NHS: variants seen among roughly 807,000 people sequenced by gnomAD.
NHS encodes the protein actin remodeling regulator NHS.
A neutral mutation model predicts 72.5 loss-of-function variants in NHS; 5 were observed. That is an observed-to-expected ratio of 0.07 (90% CI 0.04 to 0.14). The LOEUF is 0.14. Ranked by LOEUF, NHS falls within the 10% of genes least tolerant of loss-of-function variation. NHS has a pLI of 1.00. For synonymous variants in NHS, 464 were observed against 547.7 expected, an observed-to-expected ratio of 0.85 and a Z score of 2.13; for missense variants, 1,072 against 1,355.7, an observed-to-expected ratio of 0.79 and a Z score of 3.29.
chrX:17,434,313 A>C lies in NHS; in HGVS notation c.565+57991A>C, dbSNP rs767059344. Reference sequence around the variant, plus strand: ...AACTCAACTGGAAACTTCCCCTCTCAGTTGGCGTAAGGAGAAACAGAATAT... The same window carrying C: ...AACTCAACTGGAAACTTCCCCTCTCCGTTGGCGTAAGGAGAAACAGAATAT... On this transcript the variant is annotated intron_variant, in intron 1 of 8. Transcript: ENST00000676302. Among the ~76,000 whole-genome samples, 520 of 111,795 alleles carry C rather than the reference A, an allele frequency of 4.7e-3. 3 individuals are homozygous for C. Among genetic ancestry groups the C allele is most frequent in the African/African-American group, 0.016 (493 of 30,706 alleles).
intron 1 of NHS, among the ~76,000 whole-genome samples, chrX:17,626,728 G>A (rs1307402890): frequency 1.8e-5 from 2 of 112,143 alleles, no homozygotes; most frequent in Non-Finnish European, 3.8e-5. Context: ...GAAATTCTAA[G>A]CCGAAAATGC....
At position 17,469,331 on chromosome X, in the gene NHS, C is replaced by T. The variant is rs375385608; in HGVS notation, c.565+93009C>T. ...GTTTGTATTTCTGTTGGGTATATAT[C>T]CAAGGGAGGAAATTCTGGATCATTC... On this transcript the variant is annotated intron_variant, in intron 1 of 8. Coordinates refer to ENST00000676302, the MANE Select transcript of NHS (RefSeq NM_001291867.2). 5.3e-5 allele frequency among the ~76,000 whole-genome samples: 6 copies of T among 112,292 alleles called. No individual in the cohort carries two copies. In the East Asian group the frequency reaches 1.4e-3, roughly 26 times the overall value.
chrX:17,583,543 C>A (rs1236954583), intron 1 of NHS, among the ~76,000 whole-genome samples: 3 of 112,194 alleles, frequency 2.7e-5, no homozygotes, highest in Non-Finnish European at 5.6e-5. Flanking sequence ...ACGTGGCCAC[C>A]CAAACAAATT....
intron 1 of NHS, among the ~76,000 whole-genome samples, chrX:17,608,277 A>G (rs987830546): frequency 9.0e-6 from 1 of 111,537 alleles, no homozygotes. Flanking sequence ...AGGTGGCCAG[A>G]GCTGTAGCTT....
At chrX:17,594,824 C>A (rs1351351570) in intron 1 of NHS, among the ~76,000 whole-genome samples, 1 of 112,541 alleles carries the variant, frequency 8.9e-6, no homozygotes, top group Non-Finnish European at 1.9e-5. Context: ...AGCTACAGTG[C>A]AATCTCACTG....
chrX:17,664,010 T>C (rs182923245), intron 1 of NHS, among the ~76,000 whole-genome samples: 85 of 69,414 alleles, frequency 1.2e-3, no homozygotes, highest in African/African-American at 4.2e-3. Context: ...AGGTGTCTAA[T>C]TAAGCCTTTT....
At chrX:17,438,648 C>A (rs2146880913) in intron 1 of NHS, among the ~76,000 whole-genome samples, 1 of 112,253 alleles carries the variant, frequency 8.9e-6, no homozygotes, top group African/African-American at 3.2e-5. Context: ...CTAGAAGATT[C>A]TGTGAATCTG....
chrX:17,599,936 C>T (rs1465801531), intron 1 of NHS, among the ~76,000 whole-genome samples: 2 of 111,080 alleles, frequency 1.8e-5, no homozygotes, highest in Non-Finnish European at 3.8e-5. Flanking sequence ...GAGATGCAGA[C>T]CAAGAATGTG....
chrX:17,476,966 GT>G (rs2064922081), intron 1 of NHS, among the ~76,000 whole-genome samples: 1 of 112,227 alleles, frequency 8.9e-6, no homozygotes, highest in Non-Finnish European at 1.9e-5. Context: ...TGGTAGCCAA[GT>G]TTCATGCATC....
chrX:17,707,318 C>A (rs1013443167), intron 3 of NHS, among the ~76,000 whole-genome samples: 2 of 112,383 alleles, frequency 1.8e-5, no homozygotes, highest in South Asian at 3.7e-4. Context: ...ACAGTGAATT[C>A]ATTTCAACAT....
chrX:17,640,335 T>A (rs1569298754), intron 1 of NHS, among the ~76,000 whole-genome samples: 1 of 111,963 alleles, frequency 8.9e-6, no homozygotes, highest in Admixed American at 9.5e-5. Context: ...AGGGTATTAC[T>A]TTTCATGGCC....
chrX:17,619,659 A>C (rs1411580244), intron 1 of NHS, among the ~76,000 whole-genome samples: 1 of 112,254 alleles, frequency 8.9e-6, no homozygotes, highest in Non-Finnish European at 1.9e-5. Context: ...GCAACTGTGG[A>C]CAGTTTCTTG....
At chrX:17,423,628 T>A (rs112316563) in intron 1 of NHS, among the ~76,000 whole-genome samples, 37 of 111,817 alleles carry the variant, frequency 3.3e-4, no homozygotes, top group African/African-American at 1.2e-3. Flanking sequence ...CAGCCCAGTT[T>A]CTGGCAATTC....
chrX:17,719,297 G>A, intron 3 of NHS, 47 bp from the exon 4 acceptor site: 1 of 1,092,683 alleles, frequency 9.2e-7, no homozygotes, highest in Non-Finnish European at 1.2e-6. Context: ...ACACTGTGTT[G>A]TGTGCACGTT....
At chrX:17,688,342 A>G (rs1261642296) in intron 2 of NHS, among the ~76,000 whole-genome samples, 2 of 111,820 alleles carry the variant, frequency 1.8e-5, no homozygotes, top group African/African-American at 3.3e-5. Context: ...TTGGATTAGA[A>G]TGAAAAGGGA....
intron 1 of NHS, among the ~76,000 whole-genome samples, chrX:17,612,396 G>A (rs893019479): frequency 1.8e-5 from 2 of 110,184 alleles, no homozygotes; most frequent in African/African-American, 3.3e-5. Flanking sequence ...AATCTCAGAG[G>A]CATCTTTTGT....
chrX:17,458,241 G>GTTTT (rs1205432272), intron 1 of NHS, among the ~76,000 whole-genome samples: 2 of 110,906 alleles, frequency 1.8e-5, no homozygotes, highest in African/African-American at 6.6e-5. Context: ...TTGTTTGTTT[G>GTTTT]TTTCTTGACA....
Position 17,413,466 on chromosome X carries a change from A to C in NHS, c.565+37144A>C, listed in dbSNP as rs751598032. 2.7e-5 allele frequency among the ~76,000 whole-genome samples: 3 copies of C among 112,086 alleles called. No homozygotes were observed. The South Asian group carries it at 1.1e-3, about 42-fold the overall frequency. On this transcript the variant is annotated intron_variant, in intron 1 of 8. Coordinates refer to ENST00000676302, the MANE Select transcript of NHS (RefSeq NM_001291867.2). ...TTATGAGTCATTCTCTCTTGATGTC[A>C]TTAGCTGTTTTAAACTAGGCATTAA...
intron 1 of NHS, among the ~76,000 whole-genome samples, chrX:17,619,218 G>A: frequency 1.8e-5 from 2 of 112,229 alleles, no homozygotes; most frequent in Non-Finnish European, 3.8e-5. Context: ...GCTAGATTCA[G>A]AGAATCTGGT....
Sources: allele counts gnomAD v4.1 joint callset (sites outside exome capture counted in the v4.1 genomes callset), GRCh38; gene constraint gnomAD v4.1.1; transcripts MANE v1.5; gene names NCBI Gene and HGNC (gene_info 2026-07-23, HGNC 2026-07-21).